The following DLGAP1 variants were observed in gnomAD, a reference collection of about 807,000 sequenced individuals.
The protein encoded by DLGAP1 is disks large-associated protein 1.
A neutral mutation model predicts 90.8 loss-of-function variants in DLGAP1; 11 were observed. That is an observed-to-expected ratio of 0.12 (90% CI 0.08 to 0.20). The LOEUF (loss-of-function observed/expected upper bound fraction) is 0.20. Ranked by LOEUF, DLGAP1 falls within the 10% of genes least tolerant of loss-of-function variation. The probability of loss-of-function intolerance (pLI) is 1.00; values close to 1 mark genes in which losing one functional copy is unlikely to be tolerated. For synonymous variants in DLGAP1, 558 were observed against 540.7 expected (o/e 1.03, Z -0.44); for missense variants, 1,050 against 1,333.8 (o/e 0.79, Z 3.31).
intron 8 of DLGAP1, among the ~76,000 whole-genome samples, chr18:3,573,685 TC>T (rs764801159): frequency 2.0e-4 from 31 of 152,032 alleles, no homozygotes; most frequent in Non-Finnish European, 2.8e-4. Context: ...TAAGATTTCT[TC>T]CTCCAGGTTT....
chr18:3,589,632 A>G (rs2056115793), intron 7 of DLGAP1, among the ~76,000 whole-genome samples: 1 of 152,190 alleles, frequency 6.6e-6, no homozygotes, highest in Admixed American at 6.5e-5. Context: ...TTTTTGATGT[A>G]AACATGTTGT....
chr18:4,371,939 T>C (rs1210535021), intron 1 of DLGAP1, among the ~76,000 whole-genome samples: 2 of 152,238 alleles, frequency 1.3e-5, no homozygotes, highest in East Asian at 3.8e-4. Context: ...TAAAGTAATG[T>C]ATCTCTCTGA....
At chr18:4,176,279 C>A (rs1480603627) in intron 1 of DLGAP1, among the ~76,000 whole-genome samples, 1 of 152,212 alleles carries the variant, frequency 6.6e-6, no homozygotes, top group Admixed American at 6.5e-5. Flanking sequence ...TCATCATTTC[C>A]AAGTGAATGA....
chr18:4,221,118 A>G (rs74935914), intron 1 of DLGAP1, among the ~76,000 whole-genome samples: 4,230 of 152,200 alleles, frequency 0.028, 103 homozygotes, highest in Non-Finnish European at 0.044. Flanking sequence ...GCTTGGCAAT[A>G]CATTTCTCAG....
At chr18:3,661,174 C>G (rs1023833149) in intron 7 of DLGAP1, among the ~76,000 whole-genome samples, 1 of 152,106 alleles carries the variant, frequency 6.6e-6, no homozygotes, top group Non-Finnish European at 1.5e-5. Context: ...CTGAGATTAT[C>G]GGCATGTACC....
At chr18:3,829,048 T>C (rs574495522) in intron 4 of DLGAP1, among the ~76,000 whole-genome samples, 1 of 152,224 alleles carries the variant, frequency 6.6e-6, no homozygotes, top group Non-Finnish European at 1.5e-5. Context: ...TTCCACCATG[T>C]AATTCTTACT....
intron 4 of DLGAP1, among the ~76,000 whole-genome samples, chr18:3,853,632 G>A (rs188444029): frequency 2.0e-5 from 3 of 151,794 alleles, no homozygotes; most frequent in Admixed American, 6.6e-5. Context: ...TTTCTCTGAA[G>A]GTATTCCCGT....
intron 1 of DLGAP1, among the ~76,000 whole-genome samples, chr18:4,211,261 A>G (rs2077834904): frequency 6.6e-6 from 1 of 152,176 alleles, no homozygotes; most frequent in Non-Finnish European, 1.5e-5. Flanking sequence ...TTGAGTTACT[A>G]ATGGCATGAA....
intron 3 of DLGAP1, among the ~76,000 whole-genome samples, chr18:3,892,271 T>G (rs1019492425): frequency 2.6e-5 from 4 of 152,088 alleles, no homozygotes; most frequent in African/African-American, 9.7e-5. Flanking sequence ...ACTTTTTCAA[T>G]ATAATCTAAG....
chr18:3,708,809 T>C (rs960917482), intron 7 of DLGAP1, among the ~76,000 whole-genome samples: 2 of 152,186 alleles, frequency 1.3e-5, no homozygotes, highest in Admixed American at 6.5e-5. Context: ...AGACTCCTCA[T>C]TGTGACTCAG....
chr18:4,243,908 C>T (rs764552886), intron 1 of DLGAP1, among the ~76,000 whole-genome samples: 1 of 152,080 alleles, frequency 6.6e-6, no homozygotes, highest in Non-Finnish European at 1.5e-5. Flanking sequence ...AACATTTTAT[C>T]CCTACCTTTG....
At chr18:4,121,808 A>AT (rs1362399927) in intron 2 of DLGAP1, among the ~76,000 whole-genome samples, 8 of 152,082 alleles carry the variant, frequency 5.3e-5, no homozygotes, top group African/African-American at 1.9e-4. Flanking sequence ...CCATTGAATA[A>AT]TTTTTTCTTT....
rs559171493 is a variant in DLGAP1, at chr18:4,309,869, G to A, written c.-267+145137C>T. On this transcript the variant is annotated intron_variant, in intron 1 of 12. Coordinates refer to ENST00000315677, the MANE Select transcript of DLGAP1 (RefSeq NM_004746.4). The stretch of plus-strand genomic sequence containing the variant: ...GGCTTTTTGAAAATGAAATTCAGAT[G>A]AGATAATGTTTAGCTTCTTTCTCTT... 4.6e-5 allele frequency among the ~76,000 whole-genome samples: 7 copies of A among 152,314 alleles called. No homozygotes were observed. The South Asian group carries it at 1.4e-3, about 32-fold the overall frequency.
At chr18:4,270,206 T>C (rs2079244765) in intron 1 of DLGAP1, among the ~76,000 whole-genome samples, 1 of 152,238 alleles carries the variant, frequency 6.6e-6, no homozygotes. Context: ...TCATTCGCAC[T>C]TGGCACCTCT....
chr18:4,305,629 C>A (rs1797879453), intron 1 of DLGAP1, among the ~76,000 whole-genome samples: 1 of 151,754 alleles, frequency 6.6e-6, no homozygotes, highest in Non-Finnish European at 1.5e-5. Context: ...CTCAGATGAT[C>A]CTTCCAACAA....
At chr18:4,116,703 A>G (rs566461486) in intron 2 of DLGAP1, among the ~76,000 whole-genome samples, 1 of 152,154 alleles carries the variant, frequency 6.6e-6, no homozygotes, top group Non-Finnish European at 1.5e-5. Flanking sequence ...GTACCTTTAA[A>G]AATAATTTCT....
intron 3 of DLGAP1, among the ~76,000 whole-genome samples, chr18:3,882,005 C>T (rs1398110204): frequency 6.6e-6 from 1 of 152,182 alleles, no homozygotes. Context: ...TGCATGTTTT[C>T]CTTTTTGAAT....
chr18:3,957,002 C>T (rs532046681), intron 3 of DLGAP1, among the ~76,000 whole-genome samples: 448 of 152,248 alleles, frequency 2.9e-3, no homozygotes, highest in Non-Finnish European at 4.8e-3. Flanking sequence ...CTGCAATAGA[C>T]AAAATAATGG....
intron 3 of DLGAP1, among the ~76,000 whole-genome samples, chr18:3,938,753 G>T (rs1234023718): frequency 6.6e-6 from 1 of 152,132 alleles, no homozygotes. Flanking sequence ...GACCACGTGG[G>T]GCCCATGGGC....
Sources: allele counts gnomAD v4.1 joint callset (sites outside exome capture counted in the v4.1 genomes callset), GRCh38; gene constraint gnomAD v4.1.1; transcripts MANE v1.5; gene names NCBI Gene and HGNC (gene_info 2026-07-23, HGNC 2026-07-21).